Variants in FAM13C observed in about 807,000 individuals in gnomAD.
FAM13C encodes the protein family with sequence similarity 13 member C, also known as protein FAM13C.
Under a neutral mutation model 73.2 loss-of-function variants are expected in FAM13C, and 37 were observed. The ratio of observed to expected loss-of-function variants is 0.51; its 90% CI spans 0.39 to 0.67. FAM13C has a LOEUF of 0.67. FAM13C is among the 30% of genes least tolerant of loss of function. The pLI is 0.00. For missense variants in FAM13C, 589 were observed against 715.6 expected (o/e 0.82, Z 2.02); for synonymous variants, 246 against 260.9 (o/e 0.94, Z 0.55).
chr10:59,327,301 G>T (rs1024706399), intron 3 of FAM13C, among the ~76,000 whole-genome samples: 1 of 152,208 alleles, frequency 6.6e-6, no homozygotes, highest in Non-Finnish European at 1.5e-5. Context: ...GCTTTCAAAG[G>T]TCTTGTGCTG....
chr10:59,331,614 T>G (rs1050481948), intron 3 of FAM13C, among the ~76,000 whole-genome samples: 2 of 152,160 alleles, frequency 1.3e-5, no homozygotes, highest in African/African-American at 2.4e-5. Flanking sequence ...TAAATCTTCT[T>G]GGGCTTGTGT....
chr10:59,355,922 A>C lies in FAM13C; in HGVS notation c.84T>G (p.Ser28=). The C allele has an allele frequency of 6.2e-7, 1 of 1,614,064 alleles. No homozygotes were observed. The highest frequency in any genetic ancestry group is 8.5e-7 in the Non-Finnish European group (1 of 1,179,922). The part of the protein sequence containing the change: ...TVTECDEDPV[S]LHEDQTDCSS... ...AGCAATCAGTCTGGTCTTCATGTAG[A>C]GAGACTGGATCTTCGTCACACCTGG... Residue 28 remains serine, a synonymous_variant, in exon 2 of 14, where the codon TCT becomes TCG. Coordinates refer to ENST00000618804, the MANE Select transcript of FAM13C (RefSeq NM_198215.4).
intron 4 of FAM13C, among the ~76,000 whole-genome samples, chr10:59,320,391 A>G (rs1482012403): frequency 6.6e-6 from 1 of 152,156 alleles, no homozygotes; most frequent in Non-Finnish European, 1.5e-5. Flanking sequence ...GGGCATGGCA[A>G]ATGGGAGGAA....
intron 2 of FAM13C, among the ~76,000 whole-genome samples, chr10:59,355,468 G>A (rs1458200602): frequency 6.6e-6 from 1 of 152,152 alleles, no homozygotes. Flanking sequence ...AGATGAAAGG[G>A]CTTGGAACAA....
rs1564495021 is a variant in FAM13C, at chr10:59,265,329, G to GC, written c.943-1164_943-1163insG. Among the ~76,000 whole-genome samples the GC allele has an allele frequency of 1.9e-4, 10 of 52,548 alleles. 1 individual carries two copies. The highest frequency in any genetic ancestry group is 4.7e-4 in the African/African-American group (7 of 14,852). The allele number at this position is 52,548 out of a possible 152,430, so 34.5% of individuals were successfully genotyped here. A position where few individuals can be genotyped will look rare whatever the true frequency, so the allele number is the denominator to read the frequency against. ...ATAGGGAAGGGGTTTTGGCGGGGGG[G>GC]GGGGGGAATCCTGGTTTCAGGACCA... On this transcript the variant is annotated intron_variant, in intron 8 of 13. Transcript: ENST00000618804.
intron 8 of FAM13C, among the ~76,000 whole-genome samples, chr10:59,267,335 C>G (rs887522223): frequency 2.6e-5 from 4 of 152,206 alleles, no homozygotes; most frequent in African/African-American, 9.7e-5. Flanking sequence ...CATCTGTAAT[C>G]CACTGACCCA....
At chr10:59,324,462 G>C (rs1194074358) in intron 3 of FAM13C, among the ~76,000 whole-genome samples, 2 of 151,474 alleles carry the variant, frequency 1.3e-5, no homozygotes, top group Non-Finnish European at 2.9e-5. Flanking sequence ...TATACTATAG[G>C]CTTATTTATG....
intron 5 of FAM13C, among the ~76,000 whole-genome samples, chr10:59,297,470 C>A (rs1413220805): frequency 6.6e-6 from 1 of 152,178 alleles, no homozygotes; most frequent in Non-Finnish European, 1.5e-5. Flanking sequence ...CTACAAAAGA[C>A]AACACCATCC....
intron 1 of FAM13C, 69 bp downstream of exon 1, chr10:59,362,330 G>A (rs1856515027): frequency 6.3e-7 from 1 of 1,575,276 alleles, no homozygotes; most frequent in Non-Finnish European, 8.6e-7. Context: ...AACGGTGGAG[G>A]ATACCTTCAC....
At chr10:59,276,875 C>A (rs781677306) in intron 6 of FAM13C, among the ~76,000 whole-genome samples, 3 of 152,136 alleles carry the variant, frequency 2.0e-5, no homozygotes, top group Non-Finnish European at 4.4e-5. Context: ...GTTCACTTAA[C>A]AATATGCAGC....
At chr10:59,331,135 G>T (rs558382210) in intron 3 of FAM13C, among the ~76,000 whole-genome samples, 1 of 152,318 alleles carries the variant, frequency 6.6e-6, no homozygotes, top group Admixed American at 6.5e-5. Flanking sequence ...CAGTGGCAAT[G>T]GTGGTGGGGG....
upstream of FAM13C, chr10:59,362,735 G>C (rs1856560536): frequency 1.7e-6 from 1 of 586,934 alleles, no homozygotes; most frequent in Admixed American, 3.7e-5. Context: ...GGAGCACCTG[G>C]AGAGTTACCA....
chr10:59,351,339 A>AAT (rs1471945301), intron 3 of FAM13C, among the ~76,000 whole-genome samples: 2 of 151,782 alleles, frequency 1.3e-5, no homozygotes, highest in Non-Finnish European at 2.9e-5. Flanking sequence ...CTCAAAAAAA[A>AAT]AAAAAAGCAT....
chr10:59,279,146 T>A (rs1844652968), intron 6 of FAM13C, among the ~76,000 whole-genome samples: 1 of 152,240 alleles, frequency 6.6e-6, no homozygotes. Context: ...CACTTCAGAA[T>A]CATCAAGGGA....
intron 6 of FAM13C, among the ~76,000 whole-genome samples, chr10:59,281,647 CA>C (rs1216646677): frequency 6.6e-6 from 1 of 152,200 alleles, no homozygotes; most frequent in African/African-American, 2.4e-5. Flanking sequence ...TCCGTGTGAG[CA>C]ATCCCTACAT....
At chr10:59,251,797 G>C (rs1841406932) in intron 12 of FAM13C, 121 bp from the exon 13 acceptor site, 1 of 725,118 alleles carries the variant, frequency 1.4e-6, no homozygotes, top group Non-Finnish European at 2.2e-6. Flanking sequence ...CATCATAAGA[G>C]TATCTTTTGA....
chr10:59,297,317 T>C (rs1160650756), intron 5 of FAM13C: 3 of 152,208 alleles, frequency 2.0e-5, no homozygotes, highest in Non-Finnish European at 4.4e-5. Flanking sequence ...GAAGTAACAA[T>C]GTGACTGAAA....
chr10:59,256,572 G>A (rs1012987145), intron 10 of FAM13C, among the ~76,000 whole-genome samples: 1 of 152,148 alleles, frequency 6.6e-6, no homozygotes, highest in East Asian at 1.9e-4. Context: ...GAGGAAACGT[G>A]AGGGTTCCAT....
At chr10:59,328,346 G>A (rs571427197) in intron 3 of FAM13C, among the ~76,000 whole-genome samples, 3 of 152,270 alleles carry the variant, frequency 2.0e-5, no homozygotes, top group Admixed American at 6.5e-5. Context: ...GGTGAAATAT[G>A]ATATTTTGTT....
Sources: allele counts gnomAD v4.1 joint callset (sites outside exome capture counted in the v4.1 genomes callset), GRCh38; gene constraint gnomAD v4.1.1; transcripts MANE v1.5; gene names NCBI Gene and HGNC (gene_info 2026-07-23, HGNC 2026-07-21).